Variants in PDE1C observed in about 807,000 individuals in gnomAD.
The protein encoded by PDE1C is phosphodiesterase 1C.
PDE1C carries 62 observed loss-of-function variants against 93.1 expected under a neutral mutation model. That is an observed-to-expected ratio of 0.67 (90% CI 0.54 to 0.82). The LOEUF (loss-of-function observed/expected upper bound fraction) is 0.82. Among genes scored for constraint, PDE1C ranks in the 40% least tolerant of loss-of-function variants. The pLI, the probability that PDE1C is intolerant of heterozygous loss-of-function variation, is 0.00. For synonymous variants in PDE1C, 325 were observed against 310.1 expected (o/e 1.05, Z -0.50); for missense variants, 742 against 884.6 (o/e 0.84, Z 2.04).
chr7:31,764,730 T>C (rs1254924030), intron 17 of PDE1C, among the ~76,000 whole-genome samples: 1 of 152,212 alleles, frequency 6.6e-6, no homozygotes, highest in Admixed American at 6.5e-5. Context: ...CATAAATAAC[T>C]CAATCCTGCC....
intron 2 of PDE1C, among the ~76,000 whole-genome samples, chr7:31,961,997 T>C (rs1306080209): frequency 6.6e-6 from 1 of 152,170 alleles, no homozygotes; most frequent in Non-Finnish European, 1.5e-5. Context: ...GTGATCTCTG[T>C]AAAATCTAGA....
chr7:32,189,698 C>A (rs770275031), intron 2 of PDE1C, among the ~76,000 whole-genome samples: 18 of 152,048 alleles, frequency 1.2e-4, no homozygotes, highest in Admixed American at 3.3e-4. Context: ...GCACTGCAAT[C>A]AAAAATAAAA....
intron 1 of PDE1C, among the ~76,000 whole-genome samples, chr7:32,414,689 A>T (rs1429608823): frequency 2.0e-5 from 3 of 152,338 alleles, no homozygotes; most frequent in East Asian, 1.9e-4. Flanking sequence ...ACTGATGCCT[A>T]AACAGTTATC....
At chr7:32,417,077 A>G (rs575754732) in intron 1 of PDE1C, among the ~76,000 whole-genome samples, 1 of 152,256 alleles carries the variant, frequency 6.6e-6, no homozygotes, top group African/African-American at 2.4e-5. Flanking sequence ...CCCTCAGAAC[A>G]GACTAATCTA....
the PDE1C span, among the ~76,000 whole-genome samples, chr7:31,668,487 T>C: frequency 1.3e-5 from 1 of 78,526 alleles, no homozygotes; most frequent in South Asian, 4.6e-4. Context: ...GGAGTATTCT[T>C]CAGCAATAAA....
chr7:31,697,843 TAGAG>T, the PDE1C span, among the ~76,000 whole-genome samples: 1 of 152,232 alleles, frequency 6.6e-6, no homozygotes, highest in Admixed American at 6.5e-5. Flanking sequence ...ACTAATATAA[TAGAG>T]AGGCTATTAT....
Position 32,095,998 on chromosome 7 carries a change from T to C in PDE1C, c.308+73787A>G, listed in dbSNP as rs144861992. Reference sequence around the variant, plus strand: ...TAATTAGTCATTGGCATCACAAACATGGCCTTTGCTCAAATAAGTTATAGA... The same window carrying C: ...TAATTAGTCATTGGCATCACAAACACGGCCTTTGCTCAAATAAGTTATAGA... On this transcript the variant is annotated intron_variant, in intron 3 of 18. Coordinates refer to the PDE1C transcript ENST00000396193. Among the ~76,000 whole-genome samples the C allele has an allele frequency of 7.9e-5, 12 of 152,326 alleles. No individual in the cohort carries two copies. In the East Asian group the frequency reaches 2.3e-3, roughly 29 times the overall value.
chr7:32,256,893 C>T (rs946653119), intron 1 of PDE1C, among the ~76,000 whole-genome samples: 1 of 152,206 alleles, frequency 6.6e-6, no homozygotes. Context: ...CTCCTAGTTT[C>T]AGCTTCTTGT....
intron 2 of PDE1C, among the ~76,000 whole-genome samples, chr7:31,969,128 A>T (rs1282249914): frequency 6.6e-6 from 1 of 152,214 alleles, no homozygotes; most frequent in Non-Finnish European, 1.5e-5. Context: ...AAAGTTGACA[A>T]ATGGGATCTG....
chr7:31,926,835 G>A (rs145125695), intron 2 of PDE1C, among the ~76,000 whole-genome samples: 4 of 152,296 alleles, frequency 2.6e-5, no homozygotes, highest in Middle Eastern at 3.4e-3. Context: ...ACACCACCAG[G>A]ACCCTGGATT....
At chr7:31,832,987 T>A (rs184628417) in intron 11 of PDE1C, among the ~76,000 whole-genome samples, 2 of 152,300 alleles carry the variant, frequency 1.3e-5, no homozygotes, top group East Asian at 3.9e-4. Context: ...GGCTGTGTTC[T>A]CCCACCCCAA....
At position 31,786,937 on chromosome 7, in the gene PDE1C, CTATCTATCTATCTATCTAT is replaced by C. The variant is rs1562792157; in HGVS notation, c.1892-11224_1892-11206del. 16 of 87,074 alleles carry C rather than the reference CTATCTATCTATCTATCTAT, an allele frequency of 1.8e-4. No individual in the cohort carries two copies. The East Asian group carries it at 5.7e-3, about 31-fold the overall frequency. 5.4% of individuals were successfully genotyped at this position (87,074 alleles called of 1,614,324 possible). ...TCTATCTATCTATCTATCTATCTAT[CTATCTATCTATCTATCTAT>C]CATCTATCTATCTATCTATCTACCT... is the stretch of plus-strand genomic sequence containing the variant. On this transcript the variant is annotated intron_variant, in intron 16 of 17. Coordinates refer to ENST00000396191, the MANE Select transcript of PDE1C (RefSeq NM_001191057.4).
At chr7:32,373,133 C>T (rs1784361474) in intron 1 of PDE1C, among the ~76,000 whole-genome samples, 1 of 152,222 alleles carries the variant, frequency 6.6e-6, no homozygotes, top group African/African-American at 2.4e-5. Flanking sequence ...CAAGTGAAAA[C>T]ATACACCCAT....
chr7:32,288,385 T>C (rs1444718799), intron 1 of PDE1C, among the ~76,000 whole-genome samples: 1 of 152,192 alleles, frequency 6.6e-6, no homozygotes, highest in African/African-American at 2.4e-5. Context: ...CCCCAAAAAA[T>C]AGCCTCCTTG....
At chr7:31,625,456 G>C in the PDE1C span, among the ~76,000 whole-genome samples, 6 of 152,058 alleles carry the variant, frequency 3.9e-5, no homozygotes, top group African/African-American at 1.4e-4. Context: ...AAAATGATGA[G>C]TTCATGTCCT....
intron 1 of PDE1C, among the ~76,000 whole-genome samples, chr7:32,288,351 T>TG (rs796099422): frequency 5.3e-5 from 8 of 152,310 alleles, no homozygotes; most frequent in African/African-American, 1.9e-4. Context: ...ATCAGCAACA[T>TG]GGGGGCAATA....
At chr7:32,031,938 C>G (rs993273543) in intron 2 of PDE1C, among the ~76,000 whole-genome samples, 1 of 152,048 alleles carries the variant, frequency 6.6e-6, no homozygotes, top group African/African-American at 2.4e-5. Flanking sequence ...TTCCTGGAGG[C>G]TGTAAAATGA....
At chr7:32,164,502 G>C (rs1239627800) in intron 3 of PDE1C, among the ~76,000 whole-genome samples, 1 of 152,146 alleles carries the variant, frequency 6.6e-6, no homozygotes, top group Non-Finnish European at 1.5e-5. Context: ...AAGGAGCATG[G>C]CTGTAGAGCT....
chr7:32,147,705 C>G (rs1274178532), intron 3 of PDE1C, among the ~76,000 whole-genome samples: 1 of 152,014 alleles, frequency 6.6e-6, no homozygotes, highest in Non-Finnish European at 1.5e-5. Flanking sequence ...CCTCCCACCC[C>G]CCCTCCAAGC....
Sources: gnomAD v4.1 joint callset for allele counts (sites outside exome capture counted in the v4.1 genomes callset) on GRCh38, gnomAD v4.1.1 for gene constraint, MANE v1.5 for transcripts, NCBI Gene and HGNC (gene_info 2026-07-23, HGNC 2026-07-21) for gene names.